Variants in CSMD1 observed in about 807,000 individuals in gnomAD.
The protein encoded by CSMD1 is CUB and sushi domain-containing protein 1.
Under a neutral mutation model 417.5 loss-of-function variants are expected in CSMD1, and 213 were observed. That is an observed-to-expected ratio of 0.51 (90% confidence interval 0.46 to 0.57). CSMD1 has a LOEUF of 0.57. Ranked by LOEUF, CSMD1 falls within the 20% of genes least tolerant of loss-of-function variation. The pLI, the probability that CSMD1 is intolerant of heterozygous loss-of-function variation, is 0.00. For synonymous variants in CSMD1, 2,862 were observed against 1,736.8 expected, an observed-to-expected ratio of 1.65 and a Z score of -16.11; for missense variants, 6,923 against 4,529.7, an observed-to-expected ratio of 1.53 and a Z score of -15.17.
chr8:4,354,605 C>T (rs1340995385), intron 3 of CSMD1, among the ~76,000 whole-genome samples: 1 of 152,056 alleles, frequency 6.6e-6, no homozygotes, highest in Non-Finnish European at 1.5e-5. Flanking sequence ...CCACCTTCTC[C>T]TTGAACGTAT....
intron 2 of CSMD1, among the ~76,000 whole-genome samples, chr8:4,456,407 C>T (rs189559371): frequency 7.3e-4 from 111 of 152,182 alleles, no homozygotes; most frequent in African/African-American, 2.6e-3. Context: ...GACAAGATAT[C>T]GACTTCTTAG....
intron 3 of CSMD1, among the ~76,000 whole-genome samples, chr8:4,359,118 G>C (rs1009395033): frequency 6.6e-6 from 1 of 152,270 alleles, no homozygotes; most frequent in East Asian, 1.9e-4. Context: ...TACTAGGGTA[G>C]AAATTTAGAA....
intron 52 of CSMD1, among the ~76,000 whole-genome samples, chr8:3,000,910 G>C (rs979605186): frequency 2.6e-5 from 4 of 152,112 alleles, no homozygotes; most frequent in Admixed American, 6.6e-5. Flanking sequence ...ACATGGCATT[G>C]AAAGAGCTTT....
chr8:2,974,643 A>T lies in CSMD1; in HGVS notation c.8567-19T>A, dbSNP rs1294926874. On this transcript the variant is annotated intron_variant, in intron 55 of 69. Transcript: ENST00000635120. ...GATATAGCTTCAGAAAAAAGATAAA[A>T]CAATTGAGTACATCCTTCCAGTTAA... The T allele has an allele frequency of 1.3e-6, 2 of 1,542,140 alleles. No homozygotes were observed. The highest frequency in any genetic ancestry group is 1.8e-6 in the Non-Finnish European group (2 of 1,139,704).
At chr8:4,391,597 G>A (rs769154265) in intron 3 of CSMD1, among the ~76,000 whole-genome samples, 23 of 151,836 alleles carry the variant, frequency 1.5e-4, no homozygotes, top group African/African-American at 2.9e-4. Flanking sequence ...TTTTGCCCCC[G>A]CTTTTGACTC....
chr8:3,876,845 C>T (rs759915695), intron 5 of CSMD1, among the ~76,000 whole-genome samples: 1 of 152,206 alleles, frequency 6.6e-6, no homozygotes, highest in Non-Finnish European at 1.5e-5. Context: ...CTTCTGACCT[C>T]AAGTGATTCG....
chr8:4,878,121 T>C (rs1803163791), intron 1 of CSMD1, among the ~76,000 whole-genome samples: 2 of 152,144 alleles, frequency 1.3e-5, no homozygotes, highest in South Asian at 2.1e-4. Flanking sequence ...TGTTCTGTTT[T>C]GGCTTTCCTC....
chr8:3,241,549 C>T (rs1385147111), intron 26 of CSMD1, among the ~76,000 whole-genome samples: 1 of 152,116 alleles, frequency 6.6e-6, no homozygotes, highest in Non-Finnish European at 1.5e-5. Context: ...TCCAGGGGCT[C>T]TGGGAGTGGC....
intron 30 of CSMD1, among the ~76,000 whole-genome samples, chr8:3,211,778 G>GATC: frequency 6.6e-6 from 1 of 152,340 alleles, no homozygotes; most frequent in African/African-American, 2.4e-5. Flanking sequence ...CCAGAAGGGA[G>GATC]GATCCTCAAG....
intron 1 of CSMD1, among the ~76,000 whole-genome samples, chr8:4,642,081 G>C (rs1327276316): frequency 6.6e-6 from 1 of 152,186 alleles, no homozygotes; most frequent in Admixed American, 6.5e-5. Context: ...CTTTGGAGGT[G>C]ACCTGGTCAG....
At chr8:3,722,026 G>A (rs1452265347) in intron 6 of CSMD1, among the ~76,000 whole-genome samples, 1 of 152,148 alleles carries the variant, frequency 6.6e-6, no homozygotes, top group Admixed American at 6.5e-5. Context: ...GGCACAGGTT[G>A]TACAAGTAGA....
chr8:3,754,294 T>C (rs1014202297), intron 5 of CSMD1, among the ~76,000 whole-genome samples: 2 of 152,326 alleles, frequency 1.3e-5, no homozygotes, highest in Non-Finnish European at 1.5e-5. Flanking sequence ...CCTTTATTAA[T>C]GGTGAATGCA....
intron 10 of CSMD1, among the ~76,000 whole-genome samples, chr8:3,538,019 A>T (rs753239296): frequency 2.9e-4 from 44 of 152,192 alleles, no homozygotes; most frequent in Non-Finnish European, 5.9e-4. Context: ...TTCCTACAAG[A>T]CTGTGGTAAA....
intron 26 of CSMD1, among the ~76,000 whole-genome samples, chr8:3,268,898 G>A (rs375573888): frequency 6.6e-6 from 1 of 152,134 alleles, no homozygotes; most frequent in Non-Finnish European, 1.5e-5. Context: ...TTAGCAGAAA[G>A]GTGGCCATAA....
intron 3 of CSMD1, among the ~76,000 whole-genome samples, chr8:4,324,800 G>C (rs114258190): frequency 6.6e-6 from 1 of 152,186 alleles, no homozygotes; most frequent in Non-Finnish European, 1.5e-5. Flanking sequence ...CCTAGCGCCT[G>C]CTTCCCATGT....
At chr8:4,081,208 CG>C (rs1800112412) in intron 3 of CSMD1, among the ~76,000 whole-genome samples, 1 of 152,252 alleles carries the variant, frequency 6.6e-6, no homozygotes, top group South Asian at 2.1e-4. Context: ...CAGTCTGTGG[CG>C]TTTTGTTATG....
At chr8:4,103,790 G>T (rs1171339767) in intron 3 of CSMD1, among the ~76,000 whole-genome samples, 1 of 152,168 alleles carries the variant, frequency 6.6e-6, no homozygotes, top group African/African-American at 2.4e-5. Context: ...CTTCAAAACA[G>T]AATGACAGAA....
intron 3 of CSMD1, among the ~76,000 whole-genome samples, chr8:4,219,236 A>G (rs12674947): frequency 0.042 from 6,354 of 152,168 alleles, 162 homozygotes; most frequent in East Asian, 0.14. Flanking sequence ...TTACCACTCC[A>G]TCTGCTAAAT....
intron 6 of CSMD1, among the ~76,000 whole-genome samples, chr8:3,740,216 C>T (rs183072389): frequency 6.6e-6 from 1 of 152,262 alleles, no homozygotes; most frequent in East Asian, 1.9e-4. Flanking sequence ...AGTGAGTCTC[C>T]TGCCTCAGCC....
Sources: gnomAD v4.1 joint callset for allele counts (sites outside exome capture counted in the v4.1 genomes callset) on GRCh38, gnomAD v4.1.1 for gene constraint, MANE v1.5 for transcripts, NCBI Gene and HGNC (gene_info 2026-07-23, HGNC 2026-07-21) for gene names.